The following TRPM4 variants were observed in gnomAD, a reference collection of about 807,000 sequenced individuals.
The protein encoded by TRPM4 is transient receptor potential cation channel subfamily M member 4, also known as calcium-activated non-selective cation channel 1.
Under a neutral mutation model 135.6 loss-of-function variants are expected in TRPM4, and 124 were observed. The ratio of observed to expected loss-of-function variants is 0.91; its 90% CI spans 0.79 to 1.06. TRPM4 has a LOEUF of 1.06. TRPM4 is among the 50% of genes least tolerant of loss of function. TRPM4 has a pLI of 0.00. For missense variants in TRPM4, 1,658 were observed against 1,671.4 expected (o/e 0.99, Z 0.14); for synonymous variants, 745 against 705.6 (o/e 1.06, Z -0.88).
At chr19:49,203,070 T>C (rs1309869746) in intron 20 of TRPM4, among the ~76,000 whole-genome samples, 2 of 151,848 alleles carry the variant, frequency 1.3e-5, no homozygotes, top group Middle Eastern at 6.8e-3. Flanking sequence ...TTTTTGTATT[T>C]TTAGTAGAGA....
At chr19:49,177,706 C>T (rs1967752968) in intron 9 of TRPM4, among the ~76,000 whole-genome samples, 1 of 152,170 alleles carries the variant, frequency 6.6e-6, no homozygotes, top group South Asian at 2.1e-4. Context: ...CATCTCCCTT[C>T]CCTGCCTGCA....
At chr19:49,173,004 C>T (rs1967530261) in intron 9 of TRPM4, among the ~76,000 whole-genome samples, 1 of 149,838 alleles carries the variant, frequency 6.7e-6, no homozygotes. Flanking sequence ...ATCCACACAT[C>T]CACTGAAAAT....
At chr19:49,205,582 T>C (rs971328042) in intron 20 of TRPM4, among the ~76,000 whole-genome samples, 1 of 141,090 alleles carries the variant, frequency 7.1e-6, no homozygotes, top group East Asian at 2.3e-4. Context: ...GTCACCCAGG[T>C]TGGAGTGCAA....
chr19:49,194,319 A>G (rs1205968519), intron 16 of TRPM4, among the ~76,000 whole-genome samples: 3 of 152,080 alleles, frequency 2.0e-5, no homozygotes, highest in African/African-American at 7.2e-5. Flanking sequence ...CAGTGGCGCG[A>G]TCATGGCTTA....
Position 49,168,262 on chromosome 19 carries a change from GC to G in TRPM4, c.453del (p.Trp152GlyfsTer126). ...CATGTTCCTCGGCGTCTGTGTAGGA[GC>G]CTGGATTGTCACTGGGGGTCTGCAC... ...GLVRAAQSTG[A>X]WIVTGGLHTG... On this transcript the variant is annotated frameshift_variant, in exon 5 of 25. Coordinates refer to ENST00000252826, the MANE Select transcript of TRPM4 (RefSeq NM_017636.4). LOFTEE classifies it high-confidence loss of function. 2 of 1,614,136 alleles carry G rather than the reference GC, an allele frequency of 1.2e-6. No individual in the cohort carries two copies. The highest frequency in any genetic ancestry group is 1.7e-6 in the Non-Finnish European group (2 of 1,180,044).
Position 49,171,528 on chromosome 19 carries a change from A to G in TRPM4, c.859-50A>G. 6.2e-7 allele frequency: 1 copy of G among 1,612,580 alleles called. No homozygotes were observed. Among genetic ancestry groups the G allele is most frequent in the Non-Finnish European group, 8.5e-7 (1 of 1,178,972 alleles). ...GGGGGTCTGACTCCGGGTAGGGTGAATATCCTGCCTTTTCTGACGTGATGA... is the reference window on the plus strand; with the variant it reads ...GGGGGTCTGACTCCGGGTAGGGTGAGTATCCTGCCTTTTCTGACGTGATGA... On this transcript the variant is annotated intron_variant, in intron 7 of 24. Transcript: ENST00000252826. The surrounding 1 kb of genome is among the most constrained non-coding windows in gnomAD (Gnocchi z 4.7).
chr19:49,169,067 T>A (rs1254017255), intron 6 of TRPM4, among the ~76,000 whole-genome samples: 2 of 150,458 alleles, frequency 1.3e-5, no homozygotes, highest in East Asian at 2.0e-4. Context: ...AGGTGTGGTG[T>A]CGTGTGCCTG....
chr19:49,176,569 C>T (rs1555754251), intron 9 of TRPM4, among the ~76,000 whole-genome samples: 1 of 152,102 alleles, frequency 6.6e-6, no homozygotes, highest in Non-Finnish European at 1.5e-5. Flanking sequence ...TAAATACCAG[C>T]TTGGGCCGGG....
intron 13 of TRPM4, 43 bp downstream of exon 13, chr19:49,188,813 G>C: frequency 1.2e-6 from 2 of 1,612,840 alleles, no homozygotes; most frequent in Non-Finnish European, 1.7e-6. Context: ...GGGGGCTGCC[G>C]CCAGAGGGGG....
chr19:49,201,764 A>T (rs1219221715), intron 19 of TRPM4, among the ~76,000 whole-genome samples, 200 bp from the exon 20 acceptor site: 1 of 152,018 alleles, frequency 6.6e-6, no homozygotes, highest in Non-Finnish European at 1.5e-5. Flanking sequence ...CGCCTGGCTA[A>T]CAGTTTTGTG....
At chr19:49,202,182 G>T in intron 20 of TRPM4, 41 bp downstream of exon 20, 1 of 1,609,234 alleles carries the variant, frequency 6.2e-7, no homozygotes, top group South Asian at 1.1e-5. Context: ...CACCCAGCAT[G>T]ACCCGTGGCC....
intron 19 of TRPM4, 118 bp downstream of exon 19, chr19:49,200,903 T>C: frequency 8.7e-7 from 1 of 1,150,476 alleles, no homozygotes; most frequent in Non-Finnish European, 1.2e-6. Flanking sequence ...TCCCTCTTTC[T>C]CTGGATCTCT....
chr19:49,162,155 G>C (rs1028577695), intron 2 of TRPM4, among the ~76,000 whole-genome samples: 13 of 152,190 alleles, frequency 8.5e-5, no homozygotes, highest in African/African-American at 3.1e-4. Flanking sequence ...CCTTTCAGCT[G>C]TAGCCAGGGC....
rs777788926 is a variant in TRPM4, at chr19:49,196,735, G to GGCGGGGGCAGCCTCGCCA, written c.2515_2532dup (p.Ser839_Gly844dup). 7 of 1,550,634 alleles carry GGCGGGGGCAGCCTCGCCA rather than the reference G, an allele frequency of 4.5e-6. No individual in the cohort carries two copies. The highest frequency in any genetic ancestry group is 1.2e-5 in the South Asian group (1 of 85,054). ...GGAACTGCGCCAGGGCCTGAGCGGA[G>GGCGGGGGCAGCCTCGCCA]GCGGGGGCAGCCTCGCCAGCGGGGG... On this transcript the variant is annotated inframe_insertion, in exon 17 of 25. Transcript: ENST00000252826.
Position 49,183,037 on chromosome 19 carries a change from G to A in TRPM4, c.1609-41G>A, listed in dbSNP as rs543285430. 937 of 1,607,460 alleles carry A rather than the reference G, an allele frequency of 5.8e-4. 11 individuals are homozygous for A. In the South Asian group the frequency reaches 9.9e-3, roughly 17 times the overall value. The stretch of plus-strand genomic sequence containing the variant: ...GGCAGGGCTGGTGGTGGCCAGTGTT[G>A]GGGAGGGGCTGGTCCTCACCACCCC... On this transcript the variant is annotated intron_variant, in intron 11 of 24. Transcript: ENST00000252826.
chr19:49,168,141 C>T, intron 4 of TRPM4, 44 bp downstream of exon 4: 2 of 1,589,520 alleles, frequency 1.3e-6, no homozygotes, highest in South Asian at 2.2e-5. Context: ...CCTCGGCCTG[C>T]CTGCCATCTC....
chr19:49,189,836 T>C (rs1443505670), intron 14 of TRPM4, among the ~76,000 whole-genome samples: 1 of 152,180 alleles, frequency 6.6e-6, no homozygotes, highest in Non-Finnish European at 1.5e-5. Flanking sequence ...GTTAAACTCA[T>C]GGATTCCAGC....
intron 20 of TRPM4, among the ~76,000 whole-genome samples, chr19:49,206,419 ATTTTCTTTTTTTTTCCTTTTTTTT>A (rs1969152760): frequency 6.8e-6 from 1 of 147,778 alleles, no homozygotes; most frequent in Admixed American, 6.7e-5. Flanking sequence ...GGTTGTTGGA[ATTTTCTTTTTTTTTCCTTTTTTTT>A]TTTTCTTTTT....
intron 9 of TRPM4, among the ~76,000 whole-genome samples, chr19:49,178,766 T>G (rs1266490817): frequency 0.044 from 3,544 of 80,290 alleles, 156 homozygotes; most frequent in African/African-American, 0.14. Context: ...TTTTATTTTT[T>G]TATTTTTTTT....
Sources: allele counts gnomAD v4.1 joint callset (sites outside exome capture counted in the v4.1 genomes callset), GRCh38; gene constraint gnomAD v4.1.1; non-coding constraint Gnocchi (gnomAD v3.1); transcripts MANE v1.5; gene names NCBI Gene and HGNC (gene_info 2026-07-23, HGNC 2026-07-21).